Variants in SRGAP1 observed in about 807,000 individuals in gnomAD.
SRGAP1 encodes SLIT-ROBO Rho GTPase-activating protein 1.
In SRGAP1, 43 loss-of-function variants were observed where a neutral mutation model predicts 121.9. The observed-to-expected ratio is 0.35, with a 90% CI of 0.28 to 0.46. The LOEUF is 0.46. Among genes scored for constraint, SRGAP1 ranks in the 20% least tolerant of loss-of-function variants. The probability of loss-of-function intolerance (pLI) is 1.00; values close to 1 mark genes in which losing one functional copy is unlikely to be tolerated. For missense variants in SRGAP1, 1,102 were observed against 1,350.9 expected, an observed-to-expected ratio of 0.82 and a Z score of 2.89; for synonymous variants, 447 against 485.4, an observed-to-expected ratio of 0.92 and a Z score of 1.04.
At position 64,154,084 on chromosome 12, in the gene SRGAP1, A is replaced by G. The variant is rs2037145404; in HGVS notation, c.*11412A>G. 1 of 152,250 alleles carries G rather than the reference A, an allele frequency of 6.6e-6. No homozygotes were observed. The highest frequency in any genetic ancestry group is 1.5e-5 in the Non-Finnish European group (1 of 68,046). The allele number at this position is 152,250 out of a possible 1,614,324, so 9.4% of individuals were successfully genotyped here. A position where few individuals can be genotyped will look rare whatever the true frequency, so the allele number is the denominator to read the frequency against. ...ATGATTTTACTTCTATGAGATATCT[A>G]AAGTAGTCAAACTCTTATAAACAGA... On this transcript the variant is annotated 3_prime_UTR_variant, in exon 22 of 22. Coordinates refer to ENST00000355086, the MANE Select transcript of SRGAP1 (RefSeq NM_020762.4).
intron 1 of SRGAP1, among the ~76,000 whole-genome samples, chr12:63,950,788 G>A (rs1209782908): frequency 6.6e-6 from 1 of 152,112 alleles, no homozygotes; most frequent in Non-Finnish European, 1.5e-5. Flanking sequence ...TGGAAGCCTT[G>A]CCTGGCATTG....
At chr12:63,897,124 T>G (rs1900780578) in intron 1 of SRGAP1, among the ~76,000 whole-genome samples, 2 of 152,182 alleles carry the variant, frequency 1.3e-5, no homozygotes, top group African/African-American at 2.4e-5. Flanking sequence ...TAGGAAGAAG[T>G]CATTAAGTTA....
chr12:63,984,518 GA>G (rs2033360530), intron 2 of SRGAP1, among the ~76,000 whole-genome samples: 1 of 152,164 alleles, frequency 6.6e-6, no homozygotes, highest in Non-Finnish European at 1.5e-5. Flanking sequence ...GAATTTATAT[GA>G]AAGTAAGCAG....
intron 1 of SRGAP1, among the ~76,000 whole-genome samples, chr12:63,928,324 C>T (rs1565954158): frequency 6.6e-6 from 1 of 152,144 alleles, no homozygotes; most frequent in East Asian, 1.9e-4. Context: ...CACTCCTATG[C>T]ATTTAACCAA....
chr12:63,875,450 T>G (rs1028156130), intron 1 of SRGAP1, among the ~76,000 whole-genome samples: 12 of 152,226 alleles, frequency 7.9e-5, no homozygotes, highest in Non-Finnish European at 1.5e-4. Flanking sequence ...GAAATGTATG[T>G]AAACAAAATT....
At position 64,146,452 on chromosome 12, in the gene SRGAP1, T is replaced by C. The variant is rs10748000; in HGVS notation, c.*3780T>C. The C allele has an allele frequency of 0.55, 83,050 of 151,854 alleles. 23,565 individuals carry two copies. Among genetic ancestry groups the C allele is most frequent in the East Asian group, 0.79 (4,087 of 5,156 alleles). The allele number at this position is 151,854 out of a possible 1,614,324, so 9.4% of individuals were successfully genotyped here. ...GGTTGGTAGTTGTGTCCTTAACATT[T>C]AGGAATGACATAGCCTCTGGAGTCT... On this transcript the variant is annotated 3_prime_UTR_variant, in exon 22 of 22. Transcript: ENST00000355086.
intron 1 of SRGAP1, among the ~76,000 whole-genome samples, chr12:63,977,306 A>T (rs2033120268): frequency 1.3e-5 from 2 of 152,186 alleles, no homozygotes; most frequent in African/African-American, 4.8e-5. Flanking sequence ...TCTTAAGAGA[A>T]TGTAGACCCC....
At chr12:64,122,854 CG>C (rs2036625669) in intron 18 of SRGAP1, among the ~76,000 whole-genome samples, 1 of 152,078 alleles carries the variant, frequency 6.6e-6, no homozygotes, top group South Asian at 2.1e-4. Context: ...GCCAAGATCA[CG>C]CCACTGCACT....
At chr12:64,041,827 T>C (rs940369403) in intron 4 of SRGAP1, among the ~76,000 whole-genome samples, 1 of 151,104 alleles carries the variant, frequency 6.6e-6, no homozygotes, top group Non-Finnish European at 1.5e-5. Context: ...TACTAAAATC[T>C]TGTCAGTGGT....
chr12:63,863,522 T>C (rs1382531168), intron 1 of SRGAP1, among the ~76,000 whole-genome samples: 3 of 152,288 alleles, frequency 2.0e-5, no homozygotes, highest in Non-Finnish European at 2.9e-5. Context: ...TCTGCCTGCC[T>C]TGGCCTCTCA....
At chr12:64,124,504 T>C (rs2036657032) in intron 18 of SRGAP1, among the ~76,000 whole-genome samples, 1 of 152,252 alleles carries the variant, frequency 6.6e-6, no homozygotes. Context: ...TGTAAGTATA[T>C]GCCCCTTGCC....
At chr12:63,903,443 A>G (rs554662734) in intron 1 of SRGAP1, among the ~76,000 whole-genome samples, 41 of 152,130 alleles carry the variant, frequency 2.7e-4, no homozygotes, top group Non-Finnish European at 5.1e-4. Context: ...ACAGGGTTTC[A>G]TCATGTTGGC....
At chr12:64,070,127 A>C (rs2035613609) in intron 8 of SRGAP1, among the ~76,000 whole-genome samples, 1 of 152,204 alleles carries the variant, frequency 6.6e-6, no homozygotes, top group Non-Finnish European at 1.5e-5. Flanking sequence ...TCTCATTATA[A>C]ACATTTATTG....
At chr12:64,103,289 G>A (rs2036288601) in intron 15 of SRGAP1, among the ~76,000 whole-genome samples, 1 of 152,120 alleles carries the variant, frequency 6.6e-6, no homozygotes, top group Non-Finnish European at 1.5e-5. Context: ...CCAAGCTGTT[G>A]TAAAAAATTA....
At position 64,127,898 on chromosome 12, in the gene SRGAP1, C is replaced by T. The variant is rs149280592; in HGVS notation, c.2578C>T (p.Arg860Cys). The T allele has an allele frequency of 1.5e-5, 24 of 1,613,074 alleles. No homozygotes were observed. Among genetic ancestry groups the T allele is most frequent in the African/African-American group, 6.7e-5 (5 of 74,912 alleles). Residue 860 changes from arginine to cysteine, a missense_variant, in exon 21 of 22, where the codon CGT becomes TGT. Physicochemically the swap from Arg to Cys is radical, Grantham distance 180 (BLOSUM62 -3). Coordinates refer to ENST00000355086, the MANE Select transcript of SRGAP1 (RefSeq NM_020762.4). ...AGGAGAGCCACCCCCTCCAGTAAGG[C>T]GTCCTGGCAGGACCAGTGATGGCCA... is the stretch of plus-strand genomic sequence containing the variant. ...KRGEPPPPVR[R>C]PGRTSDGHCP... is the part of the protein sequence containing the mutation.
chr12:64,084,493 T>C (rs1456752415), intron 10 of SRGAP1, among the ~76,000 whole-genome samples: 1 of 152,166 alleles, frequency 6.6e-6, no homozygotes, highest in Non-Finnish European at 1.5e-5. Context: ...CTATTAATGA[T>C]GATACTGATT....
chr12:64,064,175 T>C (rs1234767773), intron 7 of SRGAP1, among the ~76,000 whole-genome samples: 3 of 152,172 alleles, frequency 2.0e-5, no homozygotes, highest in Non-Finnish European at 4.4e-5. Flanking sequence ...TGTATTTTAA[T>C]GGTTTAATTG....
At position 64,000,577 on chromosome 12, in the gene SRGAP1, C is replaced by T. The variant is rs114419932; in HGVS notation, c.426+10505C>T. ...ACAGTAAGCAATGAATACACCACTGCAGTCTGGCCTGGGCATCAGAGTGAC... is the reference window on the plus strand; with the variant it reads ...ACAGTAAGCAATGAATACACCACTGTAGTCTGGCCTGGGCATCAGAGTGAC... On this transcript the variant is annotated intron_variant, in intron 3 of 21. Transcript: ENST00000355086. 3.4e-3 allele frequency among the ~76,000 whole-genome samples: 511 copies of T among 152,238 alleles called. 7 individuals carry two copies. The highest frequency in any genetic ancestry group is 0.012 in the African/African-American group (485 of 41,534).
chr12:64,035,406 C>G (rs1386210577), intron 4 of SRGAP1, among the ~76,000 whole-genome samples: 1 of 152,086 alleles, frequency 6.6e-6, no homozygotes, highest in African/African-American at 2.4e-5. Context: ...TTGTGTCACC[C>G]CTACTGGGGA....
Sources: allele counts gnomAD v4.1 joint callset (sites outside exome capture counted in the v4.1 genomes callset), GRCh38; gene constraint gnomAD v4.1.1; transcripts MANE v1.5; gene names NCBI Gene and HGNC (gene_info 2026-07-23, HGNC 2026-07-21).